PHF24: variants seen among roughly 807,000 people sequenced by gnomAD.
PHF24 encodes the protein Galpha inhibitory interacting protein.
PHF24 carries 25 observed loss-of-function variants against 42.6 expected under a neutral mutation model. That is an observed-to-expected ratio of 0.59 (90% CI 0.43 to 0.82). PHF24 has a LOEUF of 0.82. Among genes scored for constraint, PHF24 ranks in the 40% least tolerant of loss-of-function variants. PHF24 has a pLI of 0.00. For synonymous variants in PHF24, 185 were observed against 204.8 expected, an observed-to-expected ratio of 0.90 and a Z score of 0.83; for missense variants, 470 against 538.1, an observed-to-expected ratio of 0.87 and a Z score of 1.25.
chr9:34,895,206 A>G, the PHF24 span: 33 of 397,064 alleles, frequency 8.3e-5, no homozygotes, highest in African/African-American at 6.2e-4. Context: ...ATACTCTTCT[A>G]TCTTTCCTTT....
chr9:34,877,046 C>T, the PHF24 span, among the ~76,000 whole-genome samples: 1 of 152,112 alleles, frequency 6.6e-6, no homozygotes, highest in Non-Finnish European at 1.5e-5. Flanking sequence ...CTTTGGGAGG[C>T]CAAGGTGGGC....
the PHF24 span, among the ~76,000 whole-genome samples, chr9:34,817,553 G>GT: frequency 1.1e-4 from 17 of 152,104 alleles, no homozygotes; most frequent in African/African-American, 3.6e-4. Flanking sequence ...GGAGTTGTTT[G>GT]TTTTTTTAAA....
the PHF24 span, among the ~76,000 whole-genome samples, chr9:34,734,226 C>G: frequency 6.6e-6 from 1 of 152,320 alleles, no homozygotes; most frequent in East Asian, 1.9e-4. Context: ...CCGACTCCCC[C>G]ACTTCCCTCC....
chr9:34,934,658 T>C, the PHF24 span, among the ~76,000 whole-genome samples: 1 of 152,200 alleles, frequency 6.6e-6, no homozygotes, highest in East Asian at 1.9e-4. Context: ...CCTGGAGAAG[T>C]ATACAGACCT....
intron 1 of PHF24, among the ~76,000 whole-genome samples, chr9:34,962,240 CA>C (rs1216320794): frequency 6.6e-6 from 1 of 152,216 alleles, no homozygotes; most frequent in East Asian, 1.9e-4. Context: ...TATGTGAAGA[CA>C]CGTTTCCTTG....
chr9:34,969,653 C>A lies in PHF24; in HGVS notation c.-4-1642C>A, dbSNP rs905491149. ...GAGACTCTGTCTCAAAAAAAAAAAACCAAAAAAACAAAAAACTGCCCTCTT... is the reference window on the plus strand; with the variant it reads ...GAGACTCTGTCTCAAAAAAAAAAAAACAAAAAAACAAAAAACTGCCCTCTT... On this transcript the variant is annotated intron_variant, in intron 1 of 7. Transcript: ENST00000242315. Among the ~76,000 whole-genome samples the A allele has an allele frequency of 1.4e-3, 206 of 148,056 alleles. 1 individual carries two copies. The highest frequency in any genetic ancestry group is 2.4e-3 in the Non-Finnish European group (158 of 66,618).
chr9:34,978,104 C>T (rs747637874), exon 8 of PHF24: 1 of 1,613,256 alleles, frequency 6.2e-7, no homozygotes, highest in Non-Finnish European at 8.5e-7. Flanking sequence ...CTGAAGCCCC[C>T]AGGATAGCAT....
At chr9:34,850,914 A>AT in the PHF24 span, among the ~76,000 whole-genome samples, 3 of 152,144 alleles carry the variant, frequency 2.0e-5, no homozygotes, top group Non-Finnish European at 4.4e-5. Flanking sequence ...AGAACAGCGG[A>AT]TTTTTGTGAA....
the PHF24 span, among the ~76,000 whole-genome samples, chr9:34,904,422 T>C: frequency 1.3e-5 from 2 of 152,182 alleles, no homozygotes; most frequent in Non-Finnish European, 2.9e-5. Context: ...CGCTTAGAGT[T>C]TTAATCATAA....
the PHF24 span, among the ~76,000 whole-genome samples, chr9:34,692,245 A>G: frequency 6.6e-6 from 1 of 152,204 alleles, no homozygotes. Flanking sequence ...CTTTCCATTC[A>G]TTAATCATAA....
the PHF24 span, among the ~76,000 whole-genome samples, chr9:34,765,744 T>C: frequency 2.0e-5 from 3 of 152,196 alleles, no homozygotes; most frequent in Admixed American, 6.5e-5. Context: ...CCTGTTGTTA[T>C]GATGTTAGCT....
chr9:34,836,080 A>G, the PHF24 span: 3 of 544,692 alleles, frequency 5.5e-6, no homozygotes, highest in East Asian at 1.5e-4. Context: ...GCAAACATTA[A>G]TGATGGAGTA....
At chr9:34,935,410 A>G in the PHF24 span, among the ~76,000 whole-genome samples, 3 of 152,184 alleles carry the variant, frequency 2.0e-5, no homozygotes, top group African/African-American at 4.8e-5. Context: ...CCTGGCCAAC[A>G]TGATGAAACC....
At chr9:34,919,492 CT>C in the PHF24 span, among the ~76,000 whole-genome samples, 1 of 152,104 alleles carries the variant, frequency 6.6e-6, no homozygotes, top group Non-Finnish European at 1.5e-5. Context: ...CATCATTCTA[CT>C]ATCTTCATGA....
the PHF24 span, among the ~76,000 whole-genome samples, chr9:34,763,653 T>C: frequency 6.2e-4 from 94 of 152,252 alleles, no homozygotes; most frequent in African/African-American, 1.7e-3. Flanking sequence ...ACAGGGACAA[T>C]TGGACTTCCT....
At chr9:34,904,483 A>G in the PHF24 span, among the ~76,000 whole-genome samples, 1 of 152,050 alleles carries the variant, frequency 6.6e-6, no homozygotes, top group African/African-American at 2.4e-5. Context: ...TGAGATGATC[A>G]TGTGACTTTT....
the PHF24 span, among the ~76,000 whole-genome samples, chr9:34,938,746 G>A: frequency 6.7e-6 from 1 of 150,144 alleles, no homozygotes; most frequent in Non-Finnish European, 1.5e-5. Context: ...TGGCTAACGC[G>A]GTGAAACCCC....
rs746395097 is a variant in PHF24 at position 34,976,267 on chromosome 9, C to T, written c.643+37C>T. The T allele has an allele frequency of 1.6e-5, 25 of 1,531,910 alleles. No individual in the cohort carries two copies. The East Asian group carries it at 4.7e-4, about 29-fold the overall frequency. 94.9% of individuals were successfully genotyped at this position (1,531,910 alleles called of 1,614,324 possible). ...TGGTGCTGCATGGATGGAGAGGGGCCGGGCAGATTTCTCCTTCAGGCTTTC... is the reference window on the plus strand; with the variant it reads ...TGGTGCTGCATGGATGGAGAGGGGCTGGGCAGATTTCTCCTTCAGGCTTTC... On this transcript the variant is annotated intron_variant, in intron 4 of 7. Coordinates refer to ENST00000242315, the Ensembl canonical transcript of PHF24.
chr9:34,676,904 G>T, the PHF24 span, among the ~76,000 whole-genome samples: 8 of 152,314 alleles, frequency 5.3e-5, no homozygotes, highest in East Asian at 1.5e-3. Context: ...CCCCAAGGGG[G>T]TGGGGCTAAG....
Sources: gnomAD v4.1 joint callset for allele counts (sites outside exome capture counted in the v4.1 genomes callset) on GRCh38, gnomAD v4.1.1 for gene constraint, MANE v1.5 for transcripts, NCBI Gene and HGNC (gene_info 2026-07-23, HGNC 2026-07-21) for gene names.